Variants in CAMK2G observed in about 807,000 individuals in gnomAD.
CAMK2G encodes calcium/calmodulin dependent protein kinase II gamma, also known as calcium/calmodulin-dependent protein kinase type II subunit gamma.
Under a neutral mutation model 88.7 loss-of-function variants are expected in CAMK2G, and 23 were observed. The observed-to-expected ratio is 0.26, with a 90% CI of 0.19 to 0.37. CAMK2G has a LOEUF of 0.37. Among genes scored for constraint, CAMK2G ranks in the 10% least tolerant of loss-of-function variants. CAMK2G has a pLI of 1.00. For missense variants in CAMK2G, 476 were observed against 780.8 expected (o/e 0.61, Z 4.65); for synonymous variants, 263 against 294.8 (o/e 0.89, Z 1.11).
intron 15 of CAMK2G, 77 bp downstream of exon 15, chr10:73,828,012 G>A (rs1298937925): frequency 1.8e-6 from 2 of 1,140,930 alleles, no homozygotes; most frequent in East Asian, 4.7e-5. Context: ...ACACGCACGT[G>A]GCAGAACAGG....
At position 73,842,385 on chromosome 10, in the gene CAMK2G, T is replaced by C; in HGVS notation, c.903+73A>G. The C allele has an allele frequency of 7.8e-7, 1 of 1,288,422 alleles. No homozygotes were observed. Among genetic ancestry groups the C allele is most frequent in the Non-Finnish European group, 1.1e-6 (1 of 883,334 alleles). The allele number at this position is 1,288,422 out of a possible 1,614,324, so 79.8% of individuals were successfully genotyped here. On this transcript the variant is annotated intron_variant, in intron 11 of 22. Transcript: ENST00000423381. The surrounding 1 kb of genome is among the most constrained non-coding windows in gnomAD (Gnocchi z 4.6). ...TCCAGCCAGGAGGGGAGCTTCCTTC[T>C]GAAATGGGGCAGGAGCCACACTGGT...
At chr10:73,825,372 A>G (rs1361257513) in intron 15 of CAMK2G, 25 bp from the exon 16 acceptor site, 1 of 1,596,750 alleles carries the variant, frequency 6.3e-7, no homozygotes, top group Non-Finnish European at 8.6e-7. Context: ...CAGATGGTTT[A>G]GTTCCTCCAG....
intron 13 of CAMK2G, 124 bp from the exon 14 acceptor site, chr10:73,837,635 C>A: frequency 1.2e-6 from 1 of 812,800 alleles, no homozygotes; most frequent in East Asian, 2.5e-5. Context: ...TCCCGAAACC[C>A]CCAAAAGAGG....
chr10:73,872,923 T>A (rs2136036040), intron 2 of CAMK2G, 66 bp downstream of exon 2: 1 of 1,008,392 alleles, frequency 9.9e-7, no homozygotes, highest in East Asian at 2.4e-5. Context: ...TTCCTGGGGC[T>A]TCCTCAAAAG....
Position 73,848,714 on chromosome 10 carries a change from T to C in CAMK2G, c.518-105A>G. 1 of 708,360 alleles carries C rather than the reference T, an allele frequency of 1.4e-6. No individual in the cohort carries two copies. 43.9% of individuals were successfully genotyped at this position (708,360 alleles called of 1,614,324 possible). A position where few individuals can be genotyped will look rare whatever the true frequency, so the allele number is the denominator to read the frequency against. ...CCCATCTTATTCCTGCTGCTTTTGCTACATAAACTCTCAGCACATGGGCAG... is the reference window on the plus strand; with the variant it reads ...CCCATCTTATTCCTGCTGCTTTTGCCACATAAACTCTCAGCACATGGGCAG... On this transcript the variant is annotated intron_variant, in intron 7 of 22. Transcript: ENST00000423381. This position sits in a 1 kb window ranked among gnomAD's most constrained non-coding sequence, Gnocchi z 4.5.
At chr10:73,854,716 G>A (rs569975077) in intron 3 of CAMK2G, among the ~76,000 whole-genome samples, 3 of 152,136 alleles carry the variant, frequency 2.0e-5, no homozygotes, top group East Asian at 1.9e-4. Context: ...CCCTCCCCAC[G>A]AAGCAAGATC....
At chr10:73,851,656 A>G (rs892918752) in intron 5 of CAMK2G, among the ~76,000 whole-genome samples, 1 of 148,856 alleles carries the variant, frequency 6.7e-6, no homozygotes, top group Non-Finnish European at 1.5e-5. Context: ...TGGCGAGTAC[A>G]TGGTAGTGCA....
rs71483976 is a variant in CAMK2G, at chr10:73,820,464, T to TTATATATATA, written c.1250-829_1250-820dup. On this transcript the variant is annotated intron_variant, in intron 18 of 22. Coordinates refer to ENST00000423381, the MANE Select transcript of CAMK2G (RefSeq NM_001367534.1). ...TCCCAGGACTATCTGGGTTTTATATTTATATATATATATATATATATATAT... is the reference window on the plus strand; with the variant it reads ...TCCCAGGACTATCTGGGTTTTATATTTATATATATATATATATATATATATATATATATAT... Among the ~76,000 whole-genome samples the TTATATATATA allele has an allele frequency of 2.0e-3, 145 of 74,020 alleles. 2 individuals carry two copies. The highest frequency in any genetic ancestry group is 3.1e-3 in the African/African-American group (44 of 14,268). 48.6% of individuals were successfully genotyped at this position (74,020 alleles called of 152,430 possible). A position where few individuals can be genotyped will look rare whatever the true frequency, so the allele number is the denominator to read the frequency against.
Position 73,848,201 on chromosome 10 carries a change from T to A in CAMK2G, c.602-119A>T. On this transcript the variant is annotated intron_variant, in intron 8 of 22. Transcript: ENST00000423381. The surrounding 1 kb of genome is among the most constrained non-coding windows in gnomAD (Gnocchi z 4.5). ...GCAGGGGCCATACCAGAGTCAGAAG[T>A]GGATGCCAGCCGATAATGCTATGCT... 1 of 694,730 alleles carries A rather than the reference T, an allele frequency of 1.4e-6. No homozygotes were observed. The highest frequency in any genetic ancestry group is 2.5e-5 in the East Asian group (1 of 40,072). The allele number at this position is 694,730 out of a possible 1,614,324, so 43.0% of individuals were successfully genotyped here. A position where few individuals can be genotyped will look rare whatever the true frequency, so the allele number is the denominator to read the frequency against.
intron 3 of CAMK2G, among the ~76,000 whole-genome samples, chr10:73,855,944 C>CTT (rs567727436): frequency 6.8e-6 from 1 of 147,218 alleles, no homozygotes; most frequent in Admixed American, 6.8e-5. Context: ...TTCATTATTT[C>CTT]TTTTTTTTTT....
chr10:73,817,693 G>A, intron 19 of CAMK2G, 139 bp from the exon 20 acceptor site: 1 of 653,454 alleles, frequency 1.5e-6, no homozygotes, highest in Admixed American at 2.4e-5. Context: ...GCCCTTGGCA[G>A]GAAGAGCGAA....
chr10:73,837,520 A>G lies in CAMK2G; in HGVS notation c.1010-9T>C. The G allele has an allele frequency of 1.2e-6, 2 of 1,612,240 alleles. No individual in the cohort carries two copies. Among genetic ancestry groups the G allele is most frequent in the South Asian group, 2.2e-5 (2 of 91,038 alleles). On this transcript the variant is annotated splice_polypyrimidine_tract_variant and intron_variant, in intron 13 of 22. Transcript: ENST00000423381. ...CAATAGGCTTTTGGCAGCTGTGAAA[A>G]CAAAGAGGAATATCAAGTCTCCTGC...
chr10:73,822,410 C>T (rs2089238207), intron 17 of CAMK2G, among the ~76,000 whole-genome samples: 1 of 152,180 alleles, frequency 6.6e-6, no homozygotes, highest in Non-Finnish European at 1.5e-5. Context: ...TTTGCTGATC[C>T]ACTCGCCTCG....
chr10:73,820,303 G>A (rs1245149902), intron 18 of CAMK2G, among the ~76,000 whole-genome samples: 1 of 151,608 alleles, frequency 6.6e-6, no homozygotes, highest in East Asian at 1.9e-4. Context: ...ACTCTAGCCA[G>A]GCCCAAGCTT....
chr10:73,813,837 C>A lies in CAMK2G; in HGVS notation c.*681G>T, dbSNP rs2084684662. 6.6e-6 allele frequency: 1 copy of A among 152,564 alleles called. No homozygotes were observed. Among genetic ancestry groups the A allele is most frequent in the Non-Finnish European group, 1.5e-5 (1 of 68,054 alleles). The allele number at this position is 152,564 out of a possible 1,614,324, so 9.5% of individuals were successfully genotyped here. On this transcript the variant is annotated 3_prime_UTR_variant, in exon 23 of 23. Coordinates refer to ENST00000423381, the MANE Select transcript of CAMK2G (RefSeq NM_001367534.1). ...CGGGTACACTTCTGCAGCACCAATT[C>A]TCTTCCCTTCTACACTAAACAAGAC...
chr10:73,823,340 C>G (rs1042850115), intron 17 of CAMK2G, among the ~76,000 whole-genome samples: 1 of 152,202 alleles, frequency 6.6e-6, no homozygotes, highest in Admixed American at 6.5e-5. Flanking sequence ...CTCAGCCTCC[C>G]AAGTAGCTGG....
intron 2 of CAMK2G, among the ~76,000 whole-genome samples, chr10:73,861,309 G>A (rs111466721): frequency 4.9e-4 from 74 of 152,330 alleles, no homozygotes; most frequent in African/African-American, 1.6e-3. Context: ...TAAAACTCTG[G>A]TGCTCTTTCC....
intron 3 of CAMK2G, among the ~76,000 whole-genome samples, chr10:73,857,583 G>A (rs1225954774): frequency 6.6e-6 from 1 of 152,192 alleles, no homozygotes; most frequent in Non-Finnish European, 1.5e-5. Context: ...CCCTGCGTGA[G>A]TCATAAGCAC....
chr10:73,849,626 G>T (rs76037915), intron 5 of CAMK2G, among the ~76,000 whole-genome samples: 42 of 152,326 alleles, frequency 2.8e-4, no homozygotes, highest in African/African-American at 9.6e-4. Flanking sequence ...ATTTCCAAGA[G>T]ATCAGGAGAC....
Sources: gnomAD v4.1 joint callset for allele counts (sites outside exome capture counted in the v4.1 genomes callset) on GRCh38, gnomAD v4.1.1 for gene constraint, Gnocchi (gnomAD v3.1) non-coding constraint, MANE v1.5 for transcripts, NCBI Gene and HGNC (gene_info 2026-07-23, HGNC 2026-07-21) for gene names.